Variants in DNAAF9 observed in about 807,000 individuals in gnomAD.
The protein encoded by DNAAF9 is dynein axonemal assembly factor 9.
In DNAAF9, 90 loss-of-function variants were observed where a neutral mutation model predicts 167.0. The observed-to-expected ratio is 0.54, with a 90% confidence interval of 0.45 to 0.64. DNAAF9 has a LOEUF of 0.64. Ranked by LOEUF, DNAAF9 falls within the 30% of genes least tolerant of loss-of-function variation. The pLI is 0.00. For synonymous variants in DNAAF9, 491 were observed against 508.8 expected (o/e 0.96, Z 0.47); for missense variants, 1,315 against 1,442.2 (o/e 0.91, Z 1.43).
intron 6 of DNAAF9, among the ~76,000 whole-genome samples, chr20:3,371,209 T>C (rs901900157): frequency 2.1e-5 from 3 of 144,822 alleles, no homozygotes; most frequent in African/African-American, 7.8e-5. Flanking sequence ...ATGTCTTCCA[T>C]CTCCCTTTTT....
At chr20:3,296,208 G>A in intron 23 of DNAAF9, 1 of 536,650 alleles carries the variant, frequency 1.9e-6, no homozygotes, top group Non-Finnish European at 3.7e-6. Context: ...GGTCAAGGCT[G>A]CAGTGAGCCA....
intron 1 of DNAAF9, among the ~76,000 whole-genome samples, chr20:3,401,148 C>T (rs994350076): frequency 1.3e-5 from 2 of 152,176 alleles, no homozygotes; most frequent in African/African-American, 4.8e-5. Context: ...AGATAACTAA[C>T]CTCTGTGAGG....
intron 8 of DNAAF9, among the ~76,000 whole-genome samples, chr20:3,346,540 A>C (rs556429573): frequency 4.3e-4 from 66 of 152,262 alleles, no homozygotes; most frequent in Non-Finnish European, 7.2e-4. Flanking sequence ...AAAAAAAAGG[A>C]CTGCGAGAGA....
chr20:3,387,809 A>G (rs538068663), intron 1 of DNAAF9, among the ~76,000 whole-genome samples: 1 of 148,740 alleles, frequency 6.7e-6, no homozygotes, highest in Non-Finnish European at 1.5e-5. Flanking sequence ...TGAGAGGCCA[A>G]GGTGGGGGAT....
intron 15 of DNAAF9, 40 bp from the exon 16 acceptor site, chr20:3,322,302 T>G: frequency 6.8e-7 from 1 of 1,473,870 alleles, no homozygotes; most frequent in South Asian, 1.2e-5. Flanking sequence ...TTAAAGAGTT[T>G]TTAAGTGTAC....
intron 1 of DNAAF9, among the ~76,000 whole-genome samples, chr20:3,403,418 C>T (rs1411903614): frequency 2.6e-5 from 4 of 151,390 alleles, no homozygotes; most frequent in African/African-American, 9.7e-5. Context: ...CAGAAGTAAT[C>T]AGAAGAGAAC....
At chr20:3,286,588 G>C (rs1185639424) in intron 27 of DNAAF9, among the ~76,000 whole-genome samples, 2 of 152,122 alleles carry the variant, frequency 1.3e-5, no homozygotes, top group East Asian at 3.9e-4. Context: ...CTGGTTTCTA[G>C]GACCTTGCCC....
At chr20:3,313,069 A>T (rs1431505195) in intron 20 of DNAAF9, among the ~76,000 whole-genome samples, 1 of 152,252 alleles carries the variant, frequency 6.6e-6, no homozygotes, top group Non-Finnish European at 1.5e-5. Flanking sequence ...TCTGCTAAGA[A>T]GGTGCAAACT....
chr20:3,403,082 T>A (rs2084011026), intron 1 of DNAAF9, among the ~76,000 whole-genome samples: 2 of 152,270 alleles, frequency 1.3e-5, no homozygotes, highest in South Asian at 4.2e-4. Context: ...TAATTTATGA[T>A]AACCTCAATC....
Position 3,303,066 on chromosome 20 carries a change from G to A in DNAAF9, c.1782+1374C>T, listed in dbSNP as rs1438937575. 5.3e-5 allele frequency among the ~76,000 whole-genome samples: 8 copies of A among 151,950 alleles called. No homozygotes were observed. The East Asian group carries it at 9.6e-4, about 18-fold the overall frequency. On this transcript the variant is annotated intron_variant, in intron 21 of 36. Coordinates refer to ENST00000252032, the MANE Select transcript of DNAAF9 (RefSeq NM_001009984.3). ...GTCCTGGCTAACATAGTGAAACCCC[G>A]TCTCTACTAAAAATACAAAAACAAA...
rs2069022549 is a variant in DNAAF9, at chr20:3,294,264, C to T, written c.2121-8G>A. 1.3e-6 allele frequency: 2 copies of T among 1,575,006 alleles called. No individual in the cohort carries two copies. Among genetic ancestry groups the T allele is most frequent in the Non-Finnish European group, 1.7e-6 (2 of 1,144,536 alleles). On this transcript the variant is annotated splice_polypyrimidine_tract_variant and splice_region_variant and intron_variant, in intron 24 of 36. Transcript: ENST00000252032. ...GCGAAATGCTGGAGAAACCTAAAAA[C>T]ACAAAGACAATGCTATTATGTTACC...
chr20:3,354,020 G>A (rs1260002612), intron 7 of DNAAF9, among the ~76,000 whole-genome samples: 2 of 152,092 alleles, frequency 1.3e-5, no homozygotes, highest in African/African-American at 4.8e-5. Context: ...AAAATCACCA[G>A]CATTCTATAT....
intron 24 of DNAAF9, 89 bp downstream of exon 24, chr20:3,294,438 AG>A (rs1327340077): frequency 6.6e-6 from 6 of 905,024 alleles, no homozygotes; most frequent in Non-Finnish European, 1.1e-5. Context: ...AGAAACTACA[AG>A]AAAAAGGAGC....
At chr20:3,297,608 T>C (rs961947714) in intron 22 of DNAAF9, among the ~76,000 whole-genome samples, 1 of 152,048 alleles carries the variant, frequency 6.6e-6, no homozygotes, top group African/African-American at 2.4e-5. Flanking sequence ...ATCTATGCCA[T>C]CTGTGCTGAG....
chr20:3,269,007 C>T (rs958365375), intron 30 of DNAAF9, among the ~76,000 whole-genome samples: 4 of 147,300 alleles, frequency 2.7e-5, no homozygotes, highest in African/African-American at 5.0e-5. Context: ...AGGTTCACGC[C>T]GTTCTCCTCC....
At chr20:3,378,077 G>C (rs1030007281) in intron 3 of DNAAF9, among the ~76,000 whole-genome samples, 15 of 152,314 alleles carry the variant, frequency 9.8e-5, no homozygotes, top group African/African-American at 3.1e-4. Flanking sequence ...TCAAAGAACA[G>C]CCTCCATCTA....
chr20:3,295,321 AG>A (rs1464392773), intron 23 of DNAAF9, among the ~76,000 whole-genome samples: 4 of 151,874 alleles, frequency 2.6e-5, no homozygotes, highest in Non-Finnish European at 1.5e-5. Flanking sequence ...CTGGGATTAC[AG>A]GCGCATATCA....
In DNAAF9 at chr20:3,293,079, C is replaced by CAA. The variant is rs202046735; in HGVS notation, c.2238+1058_2238+1059dup. On this transcript the variant is annotated intron_variant, in intron 25 of 36. Coordinates refer to ENST00000252032, the MANE Select transcript of DNAAF9 (RefSeq NM_001009984.3). ...TCAGCCTAGGCGACAGAGCAAGACTCAAAAAAAAAAAAGACCATCCTGGCT... is the reference window on the plus strand; with the variant it reads ...TCAGCCTAGGCGACAGAGCAAGACTCAAAAAAAAAAAAAAGACCATCCTGGCT... Among the ~76,000 whole-genome samples the CAA allele has an allele frequency of 4.4e-3, 589 of 133,286 alleles. 7 individuals carry two copies. The highest frequency in any genetic ancestry group is 0.015 in the African/African-American group (562 of 36,496). 87.4% of individuals were successfully genotyped at this position (133,286 alleles called of 152,430 possible).
chr20:3,249,903 A>G lies in DNAAF9; in HGVS notation c.*2669T>C, dbSNP rs1000550686. 2 of 146,902 alleles carry G rather than the reference A, an allele frequency of 1.4e-5. No individual in the cohort carries two copies. Among genetic ancestry groups the G allele is most frequent in the African/African-American group, 5.5e-5 (2 of 36,594 alleles). The allele number at this position is 146,902 out of a possible 1,614,324, so 9.1% of individuals were successfully genotyped here. A position where few individuals can be genotyped will look rare whatever the true frequency, so the allele number is the denominator to read the frequency against. ...CCCAGGGCTCAGAGGGGCCGGCTCA[A>G]CTCCTTGCCAACGGCCCTTCCCTAG... On this transcript the variant is annotated 3_prime_UTR_variant, in exon 37 of 37. Coordinates refer to ENST00000252032, the MANE Select transcript of DNAAF9 (RefSeq NM_001009984.3).
Sources: gnomAD v4.1 joint callset for allele counts (sites outside exome capture counted in the v4.1 genomes callset) on GRCh38, gnomAD v4.1.1 for gene constraint, MANE v1.5 for transcripts, NCBI Gene and HGNC (gene_info 2026-07-23, HGNC 2026-07-21) for gene names.